SLC9A4: variants seen among roughly 807,000 people sequenced by gnomAD.
SLC9A4 encodes solute carrier family 9 member A4.
SLC9A4 carries 63 observed loss-of-function variants against 67.4 expected under a neutral mutation model. The observed-to-expected ratio is 0.93, with a 90% CI of 0.76 to 1.15. The LOEUF (loss-of-function observed/expected upper bound fraction) is 1.15, where lower values mean the gene tolerates loss of function less well. Ranked by LOEUF, SLC9A4 falls within the 50% of genes most tolerant of loss-of-function variation. SLC9A4 has a pLI of 0.00. For synonymous variants in SLC9A4, 393 were observed against 367.2 expected (o/e 1.07, Z -0.80); for missense variants, 1,089 against 987.7 (o/e 1.10, Z -1.38).
chr2:102,518,227 A>G (rs551952212), intron 8 of SLC9A4, among the ~76,000 whole-genome samples: 62 of 152,320 alleles, frequency 4.1e-4, no homozygotes, highest in African/African-American at 1.4e-3. Context: ...GAAGAGTGCC[A>G]AGTTACAGCT....
intron 2 of SLC9A4, among the ~76,000 whole-genome samples, chr2:102,489,108 T>A (rs1027292434): frequency 2.6e-5 from 4 of 152,242 alleles, no homozygotes; most frequent in Non-Finnish European, 4.4e-5. Flanking sequence ...AAAAGAGTTT[T>A]GAGGTTAAGT....
At position 102,503,639 on chromosome 2, in the gene SLC9A4, C is replaced by T. The variant is rs772232007; in HGVS notation, c.912C>T (p.Leu304=). ...FTQNISAIEP[L]IVFMFSYLSY... Reference sequence around the variant, plus strand: ...AGAATATCTCTGCAATTGAGCCACTCATCGTCTTCATGTTCAGCTATTTGT... The same window carrying T: ...AGAATATCTCTGCAATTGAGCCACTTATCGTCTTCATGTTCAGCTATTTGT... Residue 304 remains leucine (L), a synonymous_variant, in exon 3 of 12, where the codon CTC becomes CTT. Transcript: ENST00000295269. 3.1e-6 allele frequency: 5 copies of T among 1,614,198 alleles called. No individual in the cohort carries two copies. Among genetic ancestry groups the T allele is most frequent in the Non-Finnish European group, 4.2e-6 (5 of 1,180,038 alleles).
intron 4 of SLC9A4, among the ~76,000 whole-genome samples, chr2:102,505,966 A>T (rs1363208603): frequency 6.6e-6 from 1 of 152,206 alleles, no homozygotes; most frequent in Non-Finnish European, 1.5e-5. Flanking sequence ...ATTCTATGGA[A>T]GACAAATACT....
chr2:102,490,427 T>G (rs971054928), intron 2 of SLC9A4, among the ~76,000 whole-genome samples: 1 of 152,244 alleles, frequency 6.6e-6, no homozygotes, highest in Non-Finnish European at 1.5e-5. Flanking sequence ...CCTTCTTGCT[T>G]TGTCCTTATG....
At chr2:102,503,172 G>C (rs978932076) in intron 2 of SLC9A4, among the ~76,000 whole-genome samples, 2 of 152,208 alleles carry the variant, frequency 1.3e-5, no homozygotes, top group South Asian at 4.1e-4. Context: ...GGAGTCTAGA[G>C]GCAATAAATT....
intron 8 of SLC9A4, among the ~76,000 whole-genome samples, chr2:102,514,561 C>T (rs1685236681): frequency 6.6e-6 from 1 of 152,168 alleles, no homozygotes; most frequent in South Asian, 2.1e-4. Context: ...GTCTCATTTT[C>T]CTCTTGACAT....
chr2:102,491,575 C>A (rs564206151), intron 2 of SLC9A4, among the ~76,000 whole-genome samples: 2 of 152,078 alleles, frequency 1.3e-5, no homozygotes, highest in Non-Finnish European at 2.9e-5. Context: ...ACGAGAACAG[C>A]ATGAGAAAAA....
chr2:102,484,113 C>G (rs1176717441), intron 2 of SLC9A4, among the ~76,000 whole-genome samples: 1 of 151,948 alleles, frequency 6.6e-6, no homozygotes, highest in Non-Finnish European at 1.5e-5. Flanking sequence ...AAACCCTTTG[C>G]TTTTACTAAG....
chr2:102,486,420 A>G (rs1485673351), intron 2 of SLC9A4, among the ~76,000 whole-genome samples: 1 of 152,222 alleles, frequency 6.6e-6, no homozygotes, highest in Non-Finnish European at 1.5e-5. Flanking sequence ...ATGATGCCAC[A>G]TCTTCGTGTC....
chr2:102,531,062 C>T (rs375542688), intron 11 of SLC9A4, among the ~76,000 whole-genome samples: 41 of 116,236 alleles, frequency 3.5e-4, no homozygotes, highest in Admixed American at 4.0e-4. Context: ...TACCTAAATT[C>T]TTTTTTTTTT....
rs145987053 is a variant in SLC9A4, at chr2:102,491,034, A to G, written c.720+11732A>G. Among the ~76,000 whole-genome samples, 55 of 152,292 alleles carry G rather than the reference A, an allele frequency of 3.6e-4. 1 individual carries two copies. In the East Asian group the frequency reaches 8.9e-3, roughly 25 times the overall value. On this transcript the variant is annotated intron_variant, in intron 2 of 11. Coordinates refer to ENST00000295269, the MANE Select transcript of SLC9A4 (RefSeq NM_001011552.4). ...TCTGGAAATGACATATATCTCTTCT[A>G]TTTGAAACTCTCTCTTGTAATTCTT...
intron 2 of SLC9A4, among the ~76,000 whole-genome samples, chr2:102,493,188 T>G (rs1171637258): frequency 6.6e-6 from 1 of 152,092 alleles, no homozygotes; most frequent in Non-Finnish European, 1.5e-5. Flanking sequence ...CTTTCTTGTC[T>G]TCTTCTGAGC....
At chr2:102,502,176 G>A (rs543736784) in intron 2 of SLC9A4, among the ~76,000 whole-genome samples, 4 of 152,250 alleles carry the variant, frequency 2.6e-5, no homozygotes, top group South Asian at 2.1e-4. Flanking sequence ...AGAGATCTTC[G>A]TTCAGCTCTT....
intron 11 of SLC9A4, among the ~76,000 whole-genome samples, chr2:102,530,119 A>G (rs1173658257): frequency 6.6e-6 from 1 of 152,202 alleles, no homozygotes; most frequent in Non-Finnish European, 1.5e-5. Context: ...ATTTTACCAC[A>G]AGTTTAAAAA....
intron 1 of SLC9A4, among the ~76,000 whole-genome samples, chr2:102,478,294 G>C (rs539373239): frequency 2.2e-4 from 33 of 152,322 alleles, no homozygotes; most frequent in African/African-American, 7.9e-4. Context: ...TAAATACAGA[G>C]CTGAATGCAT....
At chr2:102,481,393 A>G (rs1330913414) in intron 2 of SLC9A4, among the ~76,000 whole-genome samples, 1 of 152,216 alleles carries the variant, frequency 6.6e-6, no homozygotes, top group African/African-American at 2.4e-5. Flanking sequence ...ATAGTAAGCA[A>G]CTTTTCAGCA....
In SLC9A4 at chr2:102,473,538, A is replaced by G. The variant is rs957461015; in HGVS notation, c.-222A>G. 3 of 556,512 alleles carry G rather than the reference A, an allele frequency of 5.4e-6. No homozygotes were observed. The highest frequency in any genetic ancestry group is 9.4e-6 in the Non-Finnish European group (3 of 317,612). The allele number at this position is 556,512 out of a possible 1,614,324, so 34.5% of individuals were successfully genotyped here. On this transcript the variant is annotated 5_prime_UTR_variant, in exon 1 of 12. The change abolishes the stop of an existing upstream ORF in the 5' untranslated region. Coordinates refer to ENST00000295269, the MANE Select transcript of SLC9A4 (RefSeq NM_001011552.4). ...CAAGTCTATTGAATAACTGCATTTG[A>G]GTTGGAAGCTGAGTTGCCTGAACAC...
rs2104412713 is a variant in SLC9A4 at position 102,478,864 on chromosome 2, A to G, written c.282A>G (p.Pro94=). 6.2e-7 allele frequency: 1 copy of G among 1,614,142 alleles called. No individual in the cohort carries two copies. Among genetic ancestry groups the G allele is most frequent in the African/African-American group, 1.3e-5 (1 of 75,074 alleles). ...KIGFHLYHRL[P]GLMPESCLLI... is the part of the protein sequence containing the mutation. ...GCTTCCACCTCTACCACAGGCTGCC[A>G]GGCCTCATGCCAGAAAGCTGCCTCC... The change falls in exon 2 of 12, where the codon CCA becomes CCG. Residue 94 remains proline (P), a synonymous_variant. Transcript: ENST00000295269.
At chr2:102,529,846 TG>T (rs1245790189) in intron 11 of SLC9A4, among the ~76,000 whole-genome samples, 1 of 152,120 alleles carries the variant, frequency 6.6e-6, no homozygotes, top group Non-Finnish European at 1.5e-5. Flanking sequence ...CATGCTGGTT[TG>T]GGGGACTTCA....
Sources: gnomAD v4.1 joint callset for allele counts (sites outside exome capture counted in the v4.1 genomes callset) on GRCh38, gnomAD v4.1.1 for gene constraint, MANE v1.5 for transcripts, NCBI Gene and HGNC (gene_info 2026-07-23, HGNC 2026-07-21) for gene names.